The following AGBL4 variants were observed in gnomAD, a reference collection of about 807,000 sequenced individuals.
AGBL4 encodes the protein cytosolic carboxypeptidase 6.
A neutral mutation model predicts 66.4 loss-of-function variants in AGBL4; 58 were observed. The observed-to-expected ratio is 0.87, with a 90% CI of 0.71 to 1.09. The LOEUF (loss-of-function observed/expected upper bound fraction) is 1.09, where lower values mean the gene tolerates loss of function less well. Ranked by LOEUF, AGBL4 falls within the 50% of genes least tolerant of loss-of-function variation. The pLI, the probability that AGBL4 is intolerant of heterozygous loss-of-function variation, is 0.00. For missense variants in AGBL4, 579 were observed against 631.0 expected (o/e 0.92, Z 0.88); for synonymous variants, 234 against 222.9 (o/e 1.05, Z -0.44).
intron 4 of AGBL4, among the ~76,000 whole-genome samples, chr1:49,088,720 A>G (rs1644950718): frequency 6.6e-6 from 1 of 152,174 alleles, no homozygotes; most frequent in Non-Finnish European, 1.5e-5. Flanking sequence ...AAAGATATTC[A>G]GGACCTGAAC....
intron 5 of AGBL4, among the ~76,000 whole-genome samples, chr1:48,988,670 T>C (rs1298196902): frequency 2.0e-5 from 3 of 152,158 alleles, no homozygotes; most frequent in Non-Finnish European, 4.4e-5. Flanking sequence ...TCTCTTTTCC[T>C]GGCAAATTAA....
intron 11 of AGBL4, among the ~76,000 whole-genome samples, chr1:48,546,951 C>T (rs1356230167): frequency 6.6e-6 from 1 of 151,002 alleles, no homozygotes; most frequent in East Asian, 1.9e-4. Flanking sequence ...GAGTCTGTAC[C>T]TGCAGATAAT....
intron 5 of AGBL4, among the ~76,000 whole-genome samples, chr1:48,917,231 A>C (rs532790232): frequency 1.3e-5 from 2 of 152,016 alleles, no homozygotes; most frequent in African/African-American, 4.8e-5. Context: ...GGATTAATTT[A>C]TTTAAAATTA....
intron 3 of AGBL4, among the ~76,000 whole-genome samples, chr1:49,612,311 C>T (rs867659071): frequency 1.3e-5 from 2 of 151,868 alleles, no homozygotes; most frequent in South Asian, 2.1e-4. Flanking sequence ...TGTTTTATCT[C>T]GTTTATATAA....
intron 6 of AGBL4, among the ~76,000 whole-genome samples, chr1:48,687,686 T>A (rs1646557145): frequency 6.6e-6 from 1 of 152,122 alleles, no homozygotes; most frequent in Non-Finnish European, 1.5e-5. Flanking sequence ...AGCCTCACTG[T>A]CCTCCTGTGA....
At chr1:49,582,822 C>T (rs998372764) in intron 3 of AGBL4, among the ~76,000 whole-genome samples, 2 of 152,114 alleles carry the variant, frequency 1.3e-5, no homozygotes, top group South Asian at 4.1e-4. Context: ...TCTCCTGGTC[C>T]CTAGCTGATC....
intron 4 of AGBL4, among the ~76,000 whole-genome samples, chr1:49,199,434 G>C (rs1240187389): frequency 6.6e-6 from 1 of 152,112 alleles, no homozygotes; most frequent in East Asian, 1.9e-4. Context: ...TTACTGAAAG[G>C]GGCATCAGAA....
chr1:48,656,288 C>T (rs865804869), intron 7 of AGBL4, among the ~76,000 whole-genome samples: 9 of 152,230 alleles, frequency 5.9e-5, no homozygotes, highest in South Asian at 2.1e-4. Flanking sequence ...TTTTCTCCTA[C>T]AGTGTTTGGT....
intron 3 of AGBL4, among the ~76,000 whole-genome samples, chr1:49,532,687 T>G (rs981879147): frequency 1.3e-5 from 2 of 152,120 alleles, no homozygotes; most frequent in African/African-American, 4.8e-5. Flanking sequence ...AAGTATTATC[T>G]GTTAAGCATC....
chr1:49,410,343 T>C (rs1421929464), intron 3 of AGBL4, among the ~76,000 whole-genome samples: 2 of 152,168 alleles, frequency 1.3e-5, no homozygotes, highest in African/African-American at 4.8e-5. Context: ...ATTTCCCTTC[T>C]ACAAGTTTTA....
chr1:49,561,613 C>A (rs1255800498), intron 3 of AGBL4, among the ~76,000 whole-genome samples: 5 of 152,010 alleles, frequency 3.3e-5, no homozygotes, highest in Non-Finnish European at 5.9e-5. Context: ...CAGCTTCCTC[C>A]ATGTCCCTAC....
intron 6 of AGBL4, among the ~76,000 whole-genome samples, chr1:48,861,465 G>A (rs974116362): frequency 6.6e-6 from 1 of 152,080 alleles, no homozygotes; most frequent in Non-Finnish European, 1.5e-5. Context: ...CCAACAAAGT[G>A]AAAAGGCAAA....
chr1:48,732,361 A>G (rs1451564613), intron 6 of AGBL4, among the ~76,000 whole-genome samples: 1 of 152,218 alleles, frequency 6.6e-6, no homozygotes, highest in Non-Finnish European at 1.5e-5. Context: ...AGATTTGGGA[A>G]TCATCATTCA....
chr1:49,690,559 C>T (rs1286365623), intron 3 of AGBL4, among the ~76,000 whole-genome samples: 1 of 152,126 alleles, frequency 6.6e-6, no homozygotes, highest in Non-Finnish European at 1.5e-5. Flanking sequence ...TCTTCAACTG[C>T]AAAATGGGGG....
intron 5 of AGBL4, among the ~76,000 whole-genome samples, chr1:48,943,151 G>C (rs560999873): frequency 6.6e-6 from 1 of 152,134 alleles, no homozygotes; most frequent in Non-Finnish European, 1.5e-5. Flanking sequence ...GTCTGCAGCC[G>C]CATGCACCAC....
chr1:49,191,825 C>T (rs1647126011), intron 4 of AGBL4, among the ~76,000 whole-genome samples: 1 of 152,148 alleles, frequency 6.6e-6, no homozygotes. Flanking sequence ...GTATTCCATG[C>T]TTTATATGTA....
chr1:49,508,926 A>G (rs1648942570), intron 3 of AGBL4, among the ~76,000 whole-genome samples: 1 of 151,870 alleles, frequency 6.6e-6, no homozygotes, highest in Non-Finnish European at 1.5e-5. Context: ...TTCATCCAAT[A>G]AGACATGAGA....
intron 3 of AGBL4, among the ~76,000 whole-genome samples, chr1:49,342,030 G>A (rs938052330): frequency 5.9e-5 from 9 of 152,122 alleles, no homozygotes; most frequent in Non-Finnish European, 8.8e-5. Flanking sequence ...TATCTGTGCA[G>A]GACAGATTGA....
chr1:49,795,152 G>A (rs1350813820), intron 2 of AGBL4, among the ~76,000 whole-genome samples: 2 of 151,714 alleles, frequency 1.3e-5, no homozygotes, highest in East Asian at 1.9e-4. Flanking sequence ...AAAATATTAG[G>A]TATAGTCATA....
Sources: allele counts gnomAD v4.1 joint callset (sites outside exome capture counted in the v4.1 genomes callset), GRCh38; gene constraint gnomAD v4.1.1; transcripts MANE v1.5; gene names NCBI Gene and HGNC (gene_info 2026-07-23, HGNC 2026-07-21).